The following NCOA7 variants were observed in gnomAD, a reference collection of about 807,000 sequenced individuals.
The protein encoded by NCOA7 is nuclear receptor coactivator 7, also known as 140 kDa estrogen receptor-associated protein.
Under a neutral mutation model 104.3 loss-of-function variants are expected in NCOA7, and 45 were observed. That is an observed-to-expected ratio of 0.43 (90% CI 0.34 to 0.55). NCOA7 has a LOEUF of 0.55. NCOA7 is among the 20% of genes least tolerant of loss of function. The pLI, the probability that NCOA7 is intolerant of heterozygous loss-of-function variation, is 0.02. For missense variants in NCOA7, 1,041 were observed against 1,119.7 expected (o/e 0.93, Z 1.00); for synonymous variants, 398 against 402.3 (o/e 0.99, Z 0.13).
chr6:125,875,204 C>A, intron 4 of NCOA7: 1 of 410,694 alleles, frequency 2.4e-6, no homozygotes, highest in East Asian at 4.1e-5. Flanking sequence ...ATCCATCACC[C>A]TGTTGACCAC....
At chr6:125,913,698 G>A (rs189703818) in intron 10 of NCOA7, 1 of 969,494 alleles carries the variant, frequency 1.0e-6, no homozygotes, top group Admixed American at 6.2e-5. Context: ...AAATTGGTAA[G>A]TCTGTACTGT....
At chr6:125,910,588 A>G (rs1379582760) in intron 10 of NCOA7, among the ~76,000 whole-genome samples, 1 of 151,992 alleles carries the variant, frequency 6.6e-6, no homozygotes, top group Non-Finnish European at 1.5e-5. Context: ...GTGGTTGAAG[A>G]GAGAGAGATA....
upstream of NCOA7, among the ~76,000 whole-genome samples, chr6:125,787,252 A>G (rs1774515562): frequency 6.6e-6 from 1 of 152,166 alleles, no homozygotes; most frequent in African/African-American, 2.4e-5. Flanking sequence ...GTTTCATGAG[A>G]CATTACTAGT....
At chr6:125,800,510 C>T (rs1309632921) in intron 1 of NCOA7, among the ~76,000 whole-genome samples, 3 of 152,176 alleles carry the variant, frequency 2.0e-5, no homozygotes, top group African/African-American at 7.2e-5. Context: ...AAAGGCAAGA[C>T]CTTACCGTTT....
chr6:125,917,161 A>G (rs1787156956), intron 11 of NCOA7, among the ~76,000 whole-genome samples: 1 of 152,118 alleles, frequency 6.6e-6, no homozygotes, highest in South Asian at 2.1e-4. Context: ...TTATTACTAG[A>G]GACATTAATT....
intron 10 of NCOA7, among the ~76,000 whole-genome samples, chr6:125,895,754 G>A (rs536923055): frequency 1.6e-4 from 25 of 152,028 alleles, no homozygotes; most frequent in African/African-American, 6.0e-4. Context: ...AGAGAGAGTG[G>A]GCGGAGTTGC....
At chr6:125,879,539 T>G (rs917678817) in intron 5 of NCOA7, among the ~76,000 whole-genome samples, 1 of 152,226 alleles carries the variant, frequency 6.6e-6, no homozygotes, top group African/African-American at 2.4e-5. Flanking sequence ...TTTCCCACTT[T>G]TATTTTAATG....
intron 3 of NCOA7, among the ~76,000 whole-genome samples, chr6:125,873,870 T>C (rs1387799500): frequency 6.6e-6 from 1 of 152,248 alleles, no homozygotes; most frequent in African/African-American, 2.4e-5. Flanking sequence ...CATCTTTTCA[T>C]GGTTAATTCA....
chr6:125,890,050 A>G, intron 9 of NCOA7, 69 bp downstream of exon 9: 2 of 1,144,608 alleles, frequency 1.7e-6, no homozygotes, highest in Non-Finnish European at 2.4e-6. Flanking sequence ...TGCACATGTA[A>G]TACCCACATT....
chr6:125,921,259 A>T (rs113631602), intron 12 of NCOA7, among the ~76,000 whole-genome samples, 191 bp downstream of exon 12: 9 of 152,162 alleles, frequency 5.9e-5, no homozygotes, highest in African/African-American at 2.2e-4. Flanking sequence ...AAAATACAAA[A>T]ATTGGCCGGG....
At chr6:125,809,005 A>G (rs1265951783) in intron 1 of NCOA7, among the ~76,000 whole-genome samples, 1 of 152,244 alleles carries the variant, frequency 6.6e-6, no homozygotes, top group Non-Finnish European at 1.5e-5. Context: ...CCATGCAAAG[A>G]TGTCAAACCC....
chr6:125,879,304 C>T (rs780669548), intron 5 of NCOA7, among the ~76,000 whole-genome samples: 1 of 152,080 alleles, frequency 6.6e-6, no homozygotes, highest in African/African-American at 2.4e-5. Context: ...CTAGGATGCT[C>T]CTTTGTATGA....
rs1168259191 is a variant in NCOA7, at chr6:125,881,108, G to A, written c.478G>A (p.Ala160Thr). 6.2e-7 allele frequency: 1 copy of A among 1,613,860 alleles called. No individual in the cohort carries two copies. The change falls in exon 6 of 16, where the codon GCC becomes ACC. Residue 160 changes from alanine to threonine, a missense_variant. By Grantham distance (58) the Ala-to-Thr change is moderately conservative. Around this residue, in one of 2 missense-constraint regions of NCOA7, gnomAD observed 914 missense variants for 942.7 expected, o/e 0.97. Coordinates refer to ENST00000392477, the MANE Select transcript of NCOA7 (RefSeq NM_181782.5). Reference protein sequence around the residue: ...VPGQVLFVPDANSPSSTLRLS... With the variant: ...VPGQVLFVPDTNSPSSTLRLS... ...TTCTCAGGTCCTTTTTGTGCCAGAT[G>A]CCAACTCTCCTTCCAGTACCTTAAG...
At position 125,855,045 on chromosome 6, in the gene NCOA7, C is replaced by A; in HGVS notation, c.76C>A (p.Gln26Lys). 4 of 1,606,464 alleles carry A rather than the reference C, an allele frequency of 2.5e-6. No individual in the cohort carries two copies. Among genetic ancestry groups the A allele is most frequent in the Non-Finnish European group, 3.4e-6 (4 of 1,178,332 alleles). ...ARLKKKKQAKQNAETASAVAT... is the reference protein window; with the variant it reads ...ARLKKKKQAKKNAETASAVAT... ...ACTGAAAAAGAAAAAACAAGCCAAA[C>A]AAAATGCAGAGACAGCCTCAGCTGT... Residue 26 changes from glutamine to lysine, a missense_variant, in exon 3 of 16, where the codon CAA (glutamine) becomes AAA (lysine). Gln to Lys is a moderately conservative substitution (Grantham distance 53, BLOSUM62 1). Transcript: ENST00000392477.
intron 11 of NCOA7, among the ~76,000 whole-genome samples, chr6:125,917,390 C>T (rs891423793): frequency 2.0e-5 from 3 of 152,156 alleles, no homozygotes; most frequent in Non-Finnish European, 4.4e-5. Context: ...CCAATGTGAA[C>T]CCAGAATCCA....
At chr6:125,811,738 A>G (rs1777024249) in intron 1 of NCOA7, among the ~76,000 whole-genome samples, 1 of 152,032 alleles carries the variant, frequency 6.6e-6, no homozygotes, top group African/African-American at 2.4e-5. Context: ...TTGAATGAGT[A>G]CTAACTACCC....
chr6:125,804,552 C>A (rs1776240959), intron 1 of NCOA7, among the ~76,000 whole-genome samples: 1 of 152,192 alleles, frequency 6.6e-6, no homozygotes, highest in African/African-American at 2.4e-5. Context: ...CCTCCAGTAA[C>A]TTTCTGTATG....
intron 3 of NCOA7, among the ~76,000 whole-genome samples, chr6:125,870,735 G>C (rs1782821332): frequency 6.6e-6 from 1 of 152,144 alleles, no homozygotes; most frequent in East Asian, 1.9e-4. Context: ...CTGTAAACTT[G>C]TATTGGGGAT....
intron 1 of NCOA7, among the ~76,000 whole-genome samples, chr6:125,803,448 G>A (rs1477115806): frequency 6.6e-6 from 1 of 152,134 alleles, no homozygotes; most frequent in Non-Finnish European, 1.5e-5. Flanking sequence ...GGTTCTAAGT[G>A]CTTACTGAAT....
Sources: gnomAD v4.1 joint callset for allele counts (sites outside exome capture counted in the v4.1 genomes callset) on GRCh38, gnomAD v4.1.1 for gene constraint, gnomAD v4.1.1 regional missense constraint, MANE v1.5 for transcripts, NCBI Gene and HGNC (gene_info 2026-07-23, HGNC 2026-07-21) for gene names.